The following SLC7A8 variants were observed in gnomAD, a reference collection of about 807,000 sequenced individuals.
SLC7A8 encodes the protein large neutral amino acids transporter small subunit 2.
A neutral mutation model predicts 51.2 loss-of-function variants in SLC7A8; 30 were observed. That is an observed-to-expected ratio of 0.59 (90% confidence interval 0.44 to 0.80). The LOEUF is 0.80. SLC7A8 is among the 30% of genes least tolerant of loss of function. The pLI, the probability that SLC7A8 is intolerant of heterozygous loss-of-function variation, is 0.00. For missense variants in SLC7A8, 612 were observed against 674.4 expected, an observed-to-expected ratio of 0.91 and a Z score of 1.03; for synonymous variants, 257 against 275.8, an observed-to-expected ratio of 0.93 and a Z score of 0.67.
Position 23,182,857 on chromosome 14 carries a change from C to T in SLC7A8, c.58G>A (p.Glu20Lys), listed in dbSNP as rs1877245636. The part of the protein sequence containing the change: ...NTEKKHPGGG[E>K]SDASPEAGSG... The stretch of plus-strand genomic sequence containing the variant: ...CCAGCCTCGGGGCTGGCGTCCGACT[C>T]GCCCCCACCTGGGTGTTTCTTTTCG... The change falls in exon 1 of 11, where the codon GAG becomes AAG. Residue 20 changes from glutamate (E) to lysine (K), a missense_variant. By Grantham distance (56) the Glu-to-Lys change is moderately conservative. Transcript: ENST00000316902. 1.9e-6 allele frequency: 3 copies of T among 1,614,090 alleles called. No homozygotes were observed. Among genetic ancestry groups the T allele is most frequent in the Non-Finnish European group, 2.5e-6 (3 of 1,179,996 alleles).
chr14:23,165,535 G>C lies in SLC7A8; in HGVS notation c.357-99C>G. ...TCATGCATCTCTTTTTTATTTTCAA[G>C]GATGCTGAAGAGCCCAGCCTCTGCC... On this transcript the variant is annotated intron_variant, in intron 2 of 10. Transcript: ENST00000316902. This position sits in a 1 kb window ranked among gnomAD's most constrained non-coding sequence, Gnocchi z 4.2. The C allele has an allele frequency of 7.7e-7, 1 of 1,291,708 alleles. No individual in the cohort carries two copies. The highest frequency in any genetic ancestry group is 1.0e-6 in the Non-Finnish European group (1 of 960,354). 80.0% of individuals were successfully genotyped at this position (1,291,708 alleles called of 1,614,324 possible).
At chr14:23,151,592 T>TA (rs775586285) in intron 3 of SLC7A8, among the ~76,000 whole-genome samples, 2 of 151,192 alleles carry the variant, frequency 1.3e-5, no homozygotes, top group Non-Finnish European at 3.0e-5. Flanking sequence ...TCCTGTCTCT[T>TA]AAAAAATAAC....
chr14:23,134,815 A>T (rs1248618216), intron 7 of SLC7A8, among the ~76,000 whole-genome samples: 3 of 152,260 alleles, frequency 2.0e-5, no homozygotes, highest in African/African-American at 7.2e-5. Context: ...AATAATAAGG[A>T]GAGATCCTAT....
At chr14:23,149,340 C>A (rs1006517447) in intron 3 of SLC7A8, among the ~76,000 whole-genome samples, 1 of 152,200 alleles carries the variant, frequency 6.6e-6, no homozygotes, top group Non-Finnish European at 1.5e-5. Context: ...AATCCAGGTT[C>A]TCCCCCAGTC....
rs1478919601 is a variant in SLC7A8 at position 23,128,030 on chromosome 14, C to T, written c.1430G>A (p.Ser477Asn). 1 of 1,613,852 alleles carries T rather than the reference C, an allele frequency of 6.2e-7. No individual in the cohort carries two copies. Among genetic ancestry groups the T allele is most frequent in the Non-Finnish European group, 8.5e-7 (1 of 1,179,822 alleles). ...VYWQHKPKCF[S>N]DFIELLTLVS... ...CTCCAACAACTCACCAATGAAGTCACTGAAACACTTGGGCTTGTGTTGCCA... is the reference window on the plus strand; with the variant it reads ...CTCCAACAACTCACCAATGAAGTCATTGAAACACTTGGGCTTGTGTTGCCA... The change falls in exon 10 of 11, where the codon AGT becomes AAT. Residue 477 changes from serine (S) to asparagine (N), a missense_variant. Physicochemically the swap from Ser to Asn is conservative, Grantham distance 46. Coordinates refer to ENST00000316902, the MANE Select transcript of SLC7A8 (RefSeq NM_012244.4). This position sits in a 1 kb window ranked among gnomAD's most constrained non-coding sequence, Gnocchi z 4.3.
rs947431431 is a variant in SLC7A8 at position 23,128,758 on chromosome 14, C to T, written c.1264-562G>A. Among the ~76,000 whole-genome samples the T allele has an allele frequency of 3.9e-5, 6 of 152,196 alleles. No individual in the cohort carries two copies. Among genetic ancestry groups the T allele is most frequent in the Non-Finnish European group, 8.8e-5 (6 of 68,030 alleles). On this transcript the variant is annotated intron_variant, in intron 9 of 10. Coordinates refer to ENST00000316902, the MANE Select transcript of SLC7A8 (RefSeq NM_012244.4). The surrounding 1 kb of genome is among the most constrained non-coding windows in gnomAD (Gnocchi z 4.3). ...AGTATCCTCTTCAGGGCTCCAGGGG[C>T]AGTCCTGATTCGGCTGCCTTTCTCT...
At chr14:23,130,758 G>A (rs1389249993) in intron 8 of SLC7A8, among the ~76,000 whole-genome samples, 1 of 152,094 alleles carries the variant, frequency 6.6e-6, no homozygotes, top group East Asian at 1.9e-4. Flanking sequence ...CTGTTATTCT[G>A]ATTGCTAACT....
At position 23,165,320 on chromosome 14, in the gene SLC7A8, T is replaced by G; in HGVS notation, c.473A>C (p.Glu158Ala). 1 of 1,608,652 alleles carries G rather than the reference T, an allele frequency of 6.2e-7. No individual in the cohort carries two copies. Among genetic ancestry groups the G allele is most frequent in the Non-Finnish European group, 8.5e-7 (1 of 1,177,692 alleles). The stretch of plus-strand genomic sequence containing the variant: ...GGCAGCCAGGAGCCGAAGGCCAGAC[T>G]CTGGGGGGAAGCAGGTGGGGAAGAG... ...QPLFPTCFPP[E>A]SGLRLLAAIC... Residue 158 changes from glutamate to alanine, a missense_variant, in exon 3 of 11, where the codon GAG becomes GCG. By Grantham distance (107) the Glu-to-Ala change is moderately radical (BLOSUM62 -1). Coordinates refer to ENST00000316902, the MANE Select transcript of SLC7A8 (RefSeq NM_012244.4). The surrounding 1 kb of genome is among the most constrained non-coding windows in gnomAD (Gnocchi z 4.2).
chr14:23,148,247 A>G (rs1211963432), intron 3 of SLC7A8, among the ~76,000 whole-genome samples: 1 of 150,286 alleles, frequency 6.7e-6, no homozygotes, highest in Non-Finnish European at 1.5e-5. Flanking sequence ...TTTTTTTTGG[A>G]GACAGAGTTT....
intron 7 of SLC7A8, among the ~76,000 whole-genome samples, chr14:23,136,515 G>A (rs547100765): frequency 7.9e-5 from 12 of 151,228 alleles, no homozygotes; most frequent in Non-Finnish European, 1.6e-4. Context: ...GACTCTTCAG[G>A]AAGGATCATC....
intron 1 of SLC7A8, among the ~76,000 whole-genome samples, chr14:23,176,713 GGGCAGATCACTTGAGGTCA>G (rs1876936198): frequency 1.3e-5 from 2 of 152,148 alleles, no homozygotes; most frequent in South Asian, 4.1e-4. Context: ...AGGCCAAGGC[GGGCAGATCACTTGAGGTCA>G]GGAGTTCGAG....
At chr14:23,138,872 C>G (rs1033891963) in intron 6 of SLC7A8, among the ~76,000 whole-genome samples, 1 of 152,158 alleles carries the variant, frequency 6.6e-6, no homozygotes. Flanking sequence ...GACTGGCAGG[C>G]TGGGTGGTGG....
chr14:23,167,644 G>C (rs1398248799), intron 1 of SLC7A8, among the ~76,000 whole-genome samples: 4 of 152,116 alleles, frequency 2.6e-5, no homozygotes, highest in African/African-American at 9.7e-5. Flanking sequence ...ACTTCTTGTG[G>C]TAAAAGAGGT....
intron 1 of SLC7A8, among the ~76,000 whole-genome samples, chr14:23,180,995 C>A (rs937609750): frequency 2.6e-5 from 4 of 152,002 alleles, no homozygotes; most frequent in African/African-American, 9.7e-5. Flanking sequence ...CCACTGCACT[C>A]CAGCCTGGGC....
chr14:23,182,812 C>T lies in SLC7A8; in HGVS notation c.103G>A (p.Ala35Thr). 1 of 1,612,794 alleles carries T rather than the reference C, an allele frequency of 6.2e-7. No individual in the cohort carries two copies. Among genetic ancestry groups the T allele is most frequent in the South Asian group, 1.1e-5 (1 of 90,850 alleles). Residue 35 changes from alanine (A) to threonine (T), a missense_variant, in exon 1 of 11, where the codon GCC (alanine) becomes ACC (threonine). By Grantham distance (58) the Ala-to-Thr change is moderately conservative. Coordinates refer to ENST00000316902, the MANE Select transcript of SLC7A8 (RefSeq NM_012244.4). ...ACCAATCCGATCTCTTTCTTCAGGGCTACTCCGCCCCCTCCGGAACCAGCC... is the reference window on the plus strand; with the variant it reads ...ACCAATCCGATCTCTTTCTTCAGGGTTACTCCGCCCCCTCCGGAACCAGCC... ...PEAGSGGGGV[A>T]LKKEIGLVSA...
At chr14:23,161,666 G>A (rs900856211) in intron 3 of SLC7A8, among the ~76,000 whole-genome samples, 3 of 152,114 alleles carry the variant, frequency 2.0e-5, no homozygotes, top group Non-Finnish European at 4.4e-5. Flanking sequence ...TCTACCAGTC[G>A]GGCGCAGTGG....
At chr14:23,154,271 C>T (rs938882275) in intron 3 of SLC7A8, 15 of 1,000,246 alleles carry the variant, frequency 1.5e-5, no homozygotes, top group African/African-American at 1.7e-5. Flanking sequence ...TTTGCTGGGG[C>T]GTTCACTTCT....
chr14:23,137,932 GAA>G lies in SLC7A8; in HGVS notation c.1003_1004del (p.Phe335HisfsTer80), dbSNP rs765268090. 1 of 1,613,860 alleles carries G rather than the reference GAA, an allele frequency of 6.2e-7. No individual in the cohort carries two copies. Among genetic ancestry groups the G allele is most frequent in the Non-Finnish European group, 8.5e-7 (1 of 1,180,022 alleles). Reference sequence around the variant, plus strand: ...CAGGCAGCACTCACCGAGAGGAGGTGAAGAGAGACCCATTAACTCCTCCAAAT... The same window carrying G: ...CAGGCAGCACTCACCGAGAGGAGGTGGAGAGACCCATTAACTCCTCCAAAT... Reference protein sequence around the residue: ...STFGGVNGSLFTSSRLFFAGA... With the variant: ...STFGGVNGSLXTSSRLFFAGA... On this transcript the variant is annotated frameshift_variant, in exon 7 of 11. Transcript: ENST00000316902. LOFTEE classifies it high-confidence loss of function.
chr14:23,176,357 G>T (rs147356747), intron 1 of SLC7A8, among the ~76,000 whole-genome samples: 12 of 152,178 alleles, frequency 7.9e-5, no homozygotes, highest in African/African-American at 2.9e-4. Context: ...GACATCCGTG[G>T]TCTTTCTGGA....
Sources: gnomAD v4.1 joint callset for allele counts (sites outside exome capture counted in the v4.1 genomes callset) on GRCh38, gnomAD v4.1.1 for gene constraint, Gnocchi (gnomAD v3.1) non-coding constraint, MANE v1.5 for transcripts, NCBI Gene and HGNC (gene_info 2026-07-23, HGNC 2026-07-21) for gene names.